OPCML: variants seen among roughly 807,000 people sequenced by gnomAD.
OPCML encodes the protein opioid-binding protein/cell adhesion molecule.
In OPCML, 13 loss-of-function variants were observed where a neutral mutation model predicts 37.8. The ratio of observed to expected loss-of-function variants is 0.34; its 90% confidence interval spans 0.22 to 0.55. The LOEUF (loss-of-function observed/expected upper bound fraction) is 0.55. Ranked by LOEUF, OPCML falls within the 20% of genes least tolerant of loss-of-function variation. The pLI is 0.91. For missense variants in OPCML, 341 were observed against 435.6 expected (o/e 0.78, Z 1.93); for synonymous variants, 176 against 168.8 (o/e 1.04, Z -0.33).
At position 133,212,034 on chromosome 11, in the gene OPCML, C is replaced by T. The variant is rs1435804110; in HGVS notation, c.62-269024G>A. The stretch of plus-strand genomic sequence containing the variant: ...AGCAGATTGACCGTGCCAGCTGTCA[C>T]TTTTACAATCTCCATCACTCTAAGC... On this transcript the variant is annotated intron_variant, in intron 1 of 7. Transcript: ENST00000524381. This position sits in a 1 kb window ranked among gnomAD's most constrained non-coding sequence, Gnocchi z 4.9. 6.6e-6 allele frequency among the ~76,000 whole-genome samples: 1 copy of T among 151,378 alleles called. No homozygotes were observed. Among genetic ancestry groups the T allele is most frequent in the East Asian group, 1.9e-4 (1 of 5,176 alleles).
At chr11:133,168,352 G>A (rs7937126) in intron 1 of OPCML, among the ~76,000 whole-genome samples, 60,376 of 151,952 alleles carry the variant, frequency 0.4, 12,812 homozygotes, top group South Asian at 0.54. Context: ...GAGCAGGTGG[G>A]TAAAAAGAGG....
intron 1 of OPCML, among the ~76,000 whole-genome samples, chr11:133,455,850 C>T (rs979118705): frequency 8.5e-5 from 13 of 152,126 alleles, no homozygotes; most frequent in African/African-American, 2.9e-4. Flanking sequence ...CACAGTCAAA[C>T]GGTGGGAAAT....
chr11:132,794,979 A>G (rs1428822932), intron 2 of OPCML, among the ~76,000 whole-genome samples: 1 of 152,080 alleles, frequency 6.6e-6, no homozygotes, highest in African/African-American at 2.4e-5. Flanking sequence ...GGTCCCATAA[A>G]TGTATAGAAA....
intron 1 of OPCML, among the ~76,000 whole-genome samples, chr11:133,336,297 C>G (rs1283210719): frequency 6.6e-6 from 1 of 151,778 alleles, no homozygotes; most frequent in Non-Finnish European, 1.5e-5. Context: ...AGGCCAGGAG[C>G]CAAACAGGTT....
intron 3 of OPCML, among the ~76,000 whole-genome samples, chr11:132,635,532 GAAA>G (rs1303634977): frequency 1.1e-5 from 1 of 92,568 alleles, no homozygotes; most frequent in Admixed American, 1.1e-4. Flanking sequence ...TTTATTCAAG[GAAA>G]AAAAAAAAAA....
rs1394507900 is a variant in OPCML at position 132,852,842 on chromosome 11, CTG to C, written c.146+90082_146+90083del. Among the ~76,000 whole-genome samples, 6 of 151,834 alleles carry C rather than the reference CTG, an allele frequency of 4.0e-5. No homozygotes were observed. In the South Asian group the frequency reaches 1.2e-3, roughly 32 times the overall value. ...AGGTAGGCTTGGCAAGGCCTGCCGC[CTG>C]TGTTTTTCTATGGCAAATTTGAACT... On this transcript the variant is annotated intron_variant, in intron 2 of 7. Transcript: ENST00000524381.
intron 4 of OPCML, among the ~76,000 whole-genome samples, chr11:132,516,917 C>T (rs1312555268): frequency 6.6e-6 from 1 of 152,108 alleles, no homozygotes; most frequent in Non-Finnish European, 1.5e-5. Context: ...CTTCTGCTGC[C>T]CACCCAGAGT....
At chr11:132,559,189 G>A (rs1478747250) in intron 3 of OPCML, among the ~76,000 whole-genome samples, 1 of 151,926 alleles carries the variant, frequency 6.6e-6, no homozygotes, top group East Asian at 1.9e-4. Flanking sequence ...AGGGAGAGAG[G>A]AGCCAAAGGG....
chr11:133,093,811 C>T (rs1467777424), intron 1 of OPCML, among the ~76,000 whole-genome samples: 1 of 151,686 alleles, frequency 6.6e-6, no homozygotes, highest in African/African-American at 2.4e-5. Flanking sequence ...CAGAGTAATG[C>T]AGTGGGAAAA....
At chr11:133,347,844 A>C (rs560578045) in intron 1 of OPCML, among the ~76,000 whole-genome samples, 86 of 152,298 alleles carry the variant, frequency 5.6e-4, no homozygotes, top group Non-Finnish European at 1.1e-3. Flanking sequence ...AATGATCCTG[A>C]AATTGCCTGA....
At chr11:132,594,116 A>G (rs369235157) in intron 3 of OPCML, among the ~76,000 whole-genome samples, 14 of 152,344 alleles carry the variant, frequency 9.2e-5, no homozygotes, top group African/African-American at 3.4e-4. Flanking sequence ...TTCACCATCT[A>G]TAAGCCTACA....
intron 3 of OPCML, among the ~76,000 whole-genome samples, chr11:132,559,872 C>A (rs1403986751): frequency 6.6e-6 from 1 of 152,190 alleles, no homozygotes; most frequent in African/African-American, 2.4e-5. Flanking sequence ...TAAAACCAGA[C>A]TGTGACCTTT....
At chr11:132,512,094 G>A (rs1243265323) in intron 4 of OPCML, among the ~76,000 whole-genome samples, 1 of 151,946 alleles carries the variant, frequency 6.6e-6, no homozygotes. Flanking sequence ...TATACCAATG[G>A]CCAATGACCA....
intron 1 of OPCML, among the ~76,000 whole-genome samples, chr11:133,002,809 C>A (rs949605446): frequency 6.6e-6 from 1 of 151,942 alleles, no homozygotes; most frequent in African/African-American, 2.4e-5. Flanking sequence ...AGAGATTGAT[C>A]GTAGGTTGTG....
intron 2 of OPCML, among the ~76,000 whole-genome samples, chr11:132,906,692 T>C (rs1310297802): frequency 6.6e-6 from 1 of 152,180 alleles, no homozygotes; most frequent in African/African-American, 2.4e-5. Context: ...ACTGCCCTTG[T>C]TACGGGGCTG....
At chr11:133,254,828 C>T (rs938165376) in intron 1 of OPCML, among the ~76,000 whole-genome samples, 1 of 152,070 alleles carries the variant, frequency 6.6e-6, no homozygotes, top group Non-Finnish European at 1.5e-5. Flanking sequence ...CATCCTTTCA[C>T]TACTTTGTCA....
At chr11:132,565,397 A>T in intron 3 of OPCML, among the ~76,000 whole-genome samples, 1 of 152,160 alleles carries the variant, frequency 6.6e-6, no homozygotes. Flanking sequence ...AATCATATGT[A>T]CTCAGATTTG....
chr11:133,470,096 T>C (rs7104789), intron 1 of OPCML, among the ~76,000 whole-genome samples: 43,648 of 152,038 alleles, frequency 0.29, 7,828 homozygotes, highest in African/African-American at 0.51. Flanking sequence ...AATCCCAGAA[T>C]AATGGCAAAG....
At chr11:133,100,041 C>G (rs138447352) in intron 1 of OPCML, among the ~76,000 whole-genome samples, 1 of 152,196 alleles carries the variant, frequency 6.6e-6, no homozygotes, top group Non-Finnish European at 1.5e-5. Context: ...CAGCTGGAGG[C>G]GATTATCATA....
Sources: allele counts gnomAD v4.1 joint callset (sites outside exome capture counted in the v4.1 genomes callset), GRCh38; gene constraint gnomAD v4.1.1; non-coding constraint Gnocchi (gnomAD v3.1); transcripts MANE v1.5; gene names NCBI Gene and HGNC (gene_info 2026-07-23, HGNC 2026-07-21).